MRPS9: variants seen among roughly 807,000 people sequenced by gnomAD.
MRPS9 encodes small ribosomal subunit protein uS9m.
In MRPS9, 45 loss-of-function variants were observed where a neutral mutation model predicts 59.9. That is an observed-to-expected ratio of 0.75 (90% CI 0.59 to 0.96). MRPS9 has a LOEUF of 0.96. MRPS9 is among the 40% of genes least tolerant of loss of function. The probability of loss-of-function intolerance (pLI) is 0.00; values close to 1 mark genes in which losing one functional copy is unlikely to be tolerated. For synonymous variants in MRPS9, 171 were observed against 166.8 expected (o/e 1.03, Z -0.19); for missense variants, 473 against 481.1 (o/e 0.98, Z 0.16).
chr2:105,097,436 TA>T, intron 10 of MRPS9, 112 bp downstream of exon 10: 1 of 989,444 alleles, frequency 1.0e-6, no homozygotes, highest in Non-Finnish European at 1.4e-6. Flanking sequence ...ACATATGTAA[TA>T]TTTCACTTCG....
chr2:105,062,258 C>A (rs373137606), intron 2 of MRPS9, among the ~76,000 whole-genome samples: 1 of 152,190 alleles, frequency 6.6e-6, no homozygotes, highest in African/African-American at 2.4e-5. Flanking sequence ...AATAGGGTAT[C>A]TAAACCCAGT....
At position 105,068,709 on chromosome 2, in the gene MRPS9, A is replaced by G. The variant is rs186986204; in HGVS notation, c.316-2604A>G. The stretch of plus-strand genomic sequence containing the variant: ...ATGTGTATTTTCCCCCTGTATTTAT[A>G]CGTCTTTTCTTTTTCTGTTTCTTAC... On this transcript the variant is annotated intron_variant, in intron 2 of 10. Coordinates refer to ENST00000258455, the MANE Select transcript of MRPS9 (RefSeq NM_182640.3). Among the ~76,000 whole-genome samples, 123 of 152,212 alleles carry G rather than the reference A, an allele frequency of 8.1e-4. 1 individual carries two copies. The Middle Eastern group carries it at 0.01, about 13-fold the overall frequency.
intron 2 of MRPS9, among the ~76,000 whole-genome samples, chr2:105,049,579 A>G (rs3739156): frequency 0.4 from 61,434 of 152,052 alleles, 12,445 homozygotes; most frequent in East Asian, 0.45. Flanking sequence ...ATAAATGCTC[A>G]TACACTATTG....
intron 4 of MRPS9, among the ~76,000 whole-genome samples, chr2:105,077,286 A>C (rs529214388): frequency 6.6e-6 from 1 of 152,220 alleles, no homozygotes; most frequent in East Asian, 1.9e-4. Flanking sequence ...ATCTTGTAAA[A>C]CAATAATGAG....
At chr2:105,073,307 G>A (rs543254648) in intron 4 of MRPS9, among the ~76,000 whole-genome samples, 5 of 152,176 alleles carry the variant, frequency 3.3e-5, no homozygotes, top group Admixed American at 1.3e-4. Context: ...TGTGACAACT[G>A]AAACTTCTAT....
chr2:105,092,169 TTGAA>T, intron 7 of MRPS9: 6 of 410,642 alleles, frequency 1.5e-5, no homozygotes, highest in Admixed American at 4.1e-5. Flanking sequence ...TGATTTTTCT[TTGAA>T]TGATAAATCT....
rs145751106 is a variant in MRPS9, at chr2:105,097,231, G to A, written c.1006G>A (p.Gly336Arg). The A allele has an allele frequency of 1.6e-3, 2,578 of 1,612,954 alleles. 3 individuals carry two copies. Among genetic ancestry groups the A allele is most frequent in the Non-Finnish European group, 2.0e-3 (2,406 of 1,179,528 alleles). ...HDVTCTVSGG[G>R]RSAQAGAIRL... The stretch of plus-strand genomic sequence containing the variant: ...CGTGACCTGCACAGTCTCAGGGGGC[G>A]GGAGGTCAGCGCAGGCTGGAGCAAT... The change falls in exon 10 of 11, where the codon GGG (glycine) becomes AGG (arginine). Residue 336 changes from glycine (G) to arginine (R), a missense_variant. Transcript: ENST00000258455.
Position 105,050,378 on chromosome 2 carries a change from GA to G in MRPS9, c.315+1029del, listed in dbSNP as rs1000641880. On this transcript the variant is annotated intron_variant, in intron 2 of 10. Coordinates refer to ENST00000258455, the MANE Select transcript of MRPS9 (RefSeq NM_182640.3). ...TGGTCTTGAACTCCTGACCTCTGGC[GA>G]TCCACCCATCTCAGCCTCCCAAATT... Among the ~76,000 whole-genome samples the G allele has an allele frequency of 2.9e-4, 44 of 152,058 alleles. 1 individual carries two copies. Among genetic ancestry groups the G allele is most frequent in the Non-Finnish European group, 2.9e-5 (2 of 68,004 alleles).
chr2:105,060,468 A>G (rs1424263353), intron 2 of MRPS9, among the ~76,000 whole-genome samples: 1 of 151,950 alleles, frequency 6.6e-6, no homozygotes, highest in Non-Finnish European at 1.5e-5. Context: ...TTTAGTAGAG[A>G]CGGGGTTTTA....
intron 2 of MRPS9, among the ~76,000 whole-genome samples, chr2:105,061,779 G>T (rs1203871588): frequency 2.0e-5 from 3 of 152,152 alleles, no homozygotes; most frequent in Admixed American, 6.5e-5. Context: ...TCGTATGGGT[G>T]CTTAGAGAGG....
intron 4 of MRPS9, among the ~76,000 whole-genome samples, chr2:105,077,404 G>A (rs562565346): frequency 6.6e-6 from 1 of 152,176 alleles, no homozygotes; most frequent in Non-Finnish European, 1.5e-5. Context: ...CTCATGCTGT[G>A]GAATAATATA....
In MRPS9 at chr2:105,069,172, G is replaced by A. The variant is rs146133525; in HGVS notation, c.316-2141G>A. On this transcript the variant is annotated intron_variant, in intron 2 of 10. Coordinates refer to ENST00000258455, the MANE Select transcript of MRPS9 (RefSeq NM_182640.3). Reference sequence around the variant, plus strand: ...GTTTTAATTGCACTTATCTTATTATGAGCCATATACTTCTTTTACAAATAT... The same window carrying A: ...GTTTTAATTGCACTTATCTTATTATAAGCCATATACTTCTTTTACAAATAT... 3.3e-3 allele frequency among the ~76,000 whole-genome samples: 497 copies of A among 150,968 alleles called. 4 individuals carry two copies. The highest frequency in any genetic ancestry group is 0.011 in the African/African-American group (463 of 41,122).
At chr2:105,078,692 T>G (rs1283974328) in intron 4 of MRPS9, among the ~76,000 whole-genome samples, 1 of 152,150 alleles carries the variant, frequency 6.6e-6, no homozygotes, top group Non-Finnish European at 1.5e-5. Context: ...AAAGACATCC[T>G]ACATATAATA....
intron 4 of MRPS9, among the ~76,000 whole-genome samples, chr2:105,074,175 A>G (rs563923272): frequency 6.6e-6 from 1 of 152,354 alleles, no homozygotes; most frequent in South Asian, 2.1e-4. Context: ...TACAGAGACA[A>G]GCATATATTT....
intron 4 of MRPS9, among the ~76,000 whole-genome samples, chr2:105,073,319 T>TGCCC (rs1301311453): frequency 7.2e-5 from 11 of 152,282 alleles, no homozygotes; most frequent in Non-Finnish European, 1.5e-4. Context: ...AACTTCTATA[T>TGCCC]ATCCCTGCAA....
chr2:105,049,097 T>G, intron 1 of MRPS9, 74 bp from the exon 2 acceptor site: 7 of 1,047,800 alleles, frequency 6.7e-6, no homozygotes, highest in Non-Finnish European at 9.7e-6. Context: ...ATATACTATT[T>G]TATTTAAGGA....
intron 4 of MRPS9, among the ~76,000 whole-genome samples, chr2:105,072,912 A>G (rs537674101): frequency 7.2e-5 from 11 of 152,280 alleles, no homozygotes; most frequent in African/African-American, 2.4e-4. Flanking sequence ...ATCATGGTTG[A>G]TTATAAATTA....
intron 10 of MRPS9, chr2:105,098,592 TCTTA>T (rs756165768): frequency 6.6e-6 from 1 of 152,222 alleles, no homozygotes; most frequent in Non-Finnish European, 1.5e-5. Flanking sequence ...AATAAAGCAT[TCTTA>T]CTTACAGTTG....
At chr2:105,075,099 T>C (rs905940330) in intron 4 of MRPS9, among the ~76,000 whole-genome samples, 13 of 152,178 alleles carry the variant, frequency 8.5e-5, no homozygotes, top group Non-Finnish European at 1.3e-4. Context: ...ATAAGGAGCA[T>C]GCAACCTAGA....
Sources: allele counts gnomAD v4.1 joint callset (sites outside exome capture counted in the v4.1 genomes callset), GRCh38; gene constraint gnomAD v4.1.1; transcripts MANE v1.5; gene names NCBI Gene and HGNC (gene_info 2026-07-23, HGNC 2026-07-21).